The following RAP1GAP variants were observed in gnomAD, a reference collection of about 807,000 sequenced individuals.
The protein encoded by RAP1GAP is RAP1 GTPase activating protein.
RAP1GAP carries 35 observed loss-of-function variants against 87.2 expected under a neutral mutation model. The observed-to-expected ratio is 0.40, with a 90% confidence interval of 0.31 to 0.53. The LOEUF (loss-of-function observed/expected upper bound fraction) is 0.53, where lower values mean the gene tolerates loss of function less well. Among genes scored for constraint, RAP1GAP ranks in the 20% least tolerant of loss-of-function variants. The pLI, the probability that RAP1GAP is intolerant of heterozygous loss-of-function variation, is 0.48. For missense variants in RAP1GAP, 734 were observed against 898.9 expected (o/e 0.82, Z 2.35); for synonymous variants, 375 against 363.9 (o/e 1.03, Z -0.35).
intron 3 of RAP1GAP, among the ~76,000 whole-genome samples, chr1:21,625,513 A>G (rs2091599577): frequency 6.6e-6 from 1 of 152,200 alleles, no homozygotes; most frequent in Non-Finnish European, 1.5e-5. Flanking sequence ...GCCCCACCAC[A>G]TCCAACCTGA....
At chr1:21,631,960 T>C (rs1209336249) in intron 2 of RAP1GAP, among the ~76,000 whole-genome samples, 1 of 152,160 alleles carries the variant, frequency 6.6e-6, no homozygotes, top group Non-Finnish European at 1.5e-5. Flanking sequence ...GCCAAGCGCC[T>C]TCCCTAGGCC....
At chr1:21,658,335 A>C (rs1265905406) in intron 1 of RAP1GAP, among the ~76,000 whole-genome samples, 1 of 152,138 alleles carries the variant, frequency 6.6e-6, no homozygotes, top group East Asian at 1.9e-4. Context: ...TGGGAGGCTG[A>C]GGCGGGTAGA....
intron 17 of RAP1GAP, among the ~76,000 whole-genome samples, chr1:21,606,406 T>A (rs1220294323): frequency 6.6e-6 from 1 of 152,156 alleles, no homozygotes; most frequent in Non-Finnish European, 1.5e-5. Flanking sequence ...GAGAAGCAGG[T>A]ACATACGGGG....
intron 1 of RAP1GAP, among the ~76,000 whole-genome samples, chr1:21,660,816 T>G (rs561679009): frequency 6.6e-6 from 1 of 152,262 alleles, no homozygotes; most frequent in East Asian, 1.9e-4. Context: ...CTGTTGCCAG[T>G]AGGGTCTTCT....
chr1:21,622,142 C>T lies in RAP1GAP; in HGVS notation c.-18-2092G>A, dbSNP rs2088380227. ...AGCCACAGTGCCACCCGGGAGGCCA[C>T]AGCAAGAGCCCCAGGGTCCGGGACC... is the stretch of plus-strand genomic sequence containing the variant. On this transcript the variant is annotated intron_variant, in intron 3 of 24. Transcript: ENST00000374765. The surrounding 1 kb of genome is among the most constrained non-coding windows in gnomAD (Gnocchi z 5.7). Among the ~76,000 whole-genome samples, 1 of 152,204 alleles carries T rather than the reference C, an allele frequency of 6.6e-6. No individual in the cohort carries two copies. Among genetic ancestry groups the T allele is most frequent in the Non-Finnish European group, 1.5e-5 (1 of 68,018 alleles).
intron 2 of RAP1GAP, among the ~76,000 whole-genome samples, chr1:21,629,300 C>T (rs918733903): frequency 3.9e-5 from 6 of 152,106 alleles, no homozygotes; most frequent in Admixed American, 6.5e-5. Flanking sequence ...GCTAGTCCAG[C>T]GGTGCCCTTC....
rs953598449 is a variant in RAP1GAP at position 21,668,689 on chromosome 1, C to G, written c.-149+565G>C. ...CGAGGGGGCGCCCAACTTCGTGACG[C>G]GTGTGCCCCGCTCTGCCGCGGGGGT... On this transcript the variant is annotated intron_variant, in intron 1 of 24. Coordinates refer to ENST00000374765, the MANE Select transcript of RAP1GAP (RefSeq NM_002885.4). This position sits in a 1 kb window ranked among gnomAD's most constrained non-coding sequence, Gnocchi z 6.2. The G allele has an allele frequency of 6.6e-6, 1 of 152,126 alleles. No homozygotes were observed. Among genetic ancestry groups the G allele is most frequent in the African/African-American group, 2.4e-5 (1 of 41,424 alleles). 9.4% of individuals were successfully genotyped at this position (152,126 alleles called of 1,614,324 possible). A position where few individuals can be genotyped will look rare whatever the true frequency, so the allele number is the denominator to read the frequency against.
chr1:21,651,727 TGCACAC>T (rs1197000280), intron 1 of RAP1GAP: 3 of 1,096,940 alleles, frequency 2.7e-6, no homozygotes, highest in Admixed American at 2.2e-5. Context: ...CCCCCACGCG[TGCACAC>T]GCACACGCGC....
In RAP1GAP at chr1:21,613,803, C is replaced by A; in HGVS notation, c.396-97G>T. 1 of 1,294,484 alleles carries A rather than the reference C, an allele frequency of 7.7e-7. No individual in the cohort carries two copies. The highest frequency in any genetic ancestry group is 1.7e-5 in the Admixed American group (1 of 57,186). 80.2% of individuals were successfully genotyped at this position (1,294,484 alleles called of 1,614,324 possible). On this transcript the variant is annotated intron_variant, in intron 8 of 24. Coordinates refer to ENST00000374765, the MANE Select transcript of RAP1GAP (RefSeq NM_002885.4). The surrounding 1 kb of genome is among the most constrained non-coding windows in gnomAD (Gnocchi z 4.7). ...AGTAAGGCCAGAAGGGGGTGGACCA[C>A]AGCGAGGACCAGAGGTGATGATGGG...
At chr1:21,643,016 C>T (rs1018320586) in intron 2 of RAP1GAP, among the ~76,000 whole-genome samples, 9 of 152,078 alleles carry the variant, frequency 5.9e-5, no homozygotes, top group Admixed American at 2.0e-4. Flanking sequence ...CTCAGCAACC[C>T]TCACATCTCC....
Position 21,615,706 on chromosome 1 carries a change from T to G in RAP1GAP, c.291+1600A>C, listed in dbSNP as rs1304093134. 6.6e-6 allele frequency among the ~76,000 whole-genome samples: 1 copy of G among 152,174 alleles called. No homozygotes were observed. Among genetic ancestry groups the G allele is most frequent in the East Asian group, 1.9e-4 (1 of 5,190 alleles). On this transcript the variant is annotated intron_variant, in intron 7 of 24. Transcript: ENST00000374765. This position sits in a 1 kb window ranked among gnomAD's most constrained non-coding sequence, Gnocchi z 4.5. ...GGCGCCCAGCTGCCTCTTCTGACCC[T>G]CCAGTCTGCACTTCTTCAGAGCCTG...
chr1:21,665,242 C>G (rs1386661837), intron 1 of RAP1GAP: 2 of 517,304 alleles, frequency 3.9e-6, no homozygotes, highest in Non-Finnish European at 7.7e-6. Flanking sequence ...GTGGCAATGT[C>G]AGAATTCGAA....
chr1:21,610,170 A>G lies in RAP1GAP; in HGVS notation c.949T>C (p.Tyr317His). 1 of 1,614,162 alleles carries G rather than the reference A, an allele frequency of 6.2e-7. No homozygotes were observed. The highest frequency in any genetic ancestry group is 8.5e-7 in the Non-Finnish European group (1 of 1,180,014). Residue 317 changes from tyrosine (Y) to histidine (H), a missense_variant, in exon 14 of 25, where the codon TAC (tyrosine) becomes CAC (histidine). Transcript: ENST00000374765. Reference sequence around the variant, plus strand: ...CCGCCCTCAGCCTGCACCACGACGTAGGCATGCAGGAAGTTGGACGCGATC... The same window carrying G: ...CCGCCCTCAGCCTGCACCACGACGTGGGCATGCAGGAAGTTGGACGCGATC... ...DMIASNFLHA[Y>H]VVVQAEGGGP...
At chr1:21,643,289 G>C (rs2095694838) in intron 2 of RAP1GAP, among the ~76,000 whole-genome samples, 1 of 152,112 alleles carries the variant, frequency 6.6e-6, no homozygotes, top group South Asian at 2.1e-4. Context: ...GCTGGGTGTG[G>C]TGGCTCACGC....
intron 1 of RAP1GAP, among the ~76,000 whole-genome samples, chr1:21,654,253 T>C (rs766305715): frequency 6.6e-6 from 1 of 152,226 alleles, no homozygotes; most frequent in Non-Finnish European, 1.5e-5. Flanking sequence ...TTCTGCATCA[T>C]AGCATGTGAG....
chr1:21,640,728 G>T (rs2095441326), intron 2 of RAP1GAP, among the ~76,000 whole-genome samples: 1 of 141,138 alleles, frequency 7.1e-6, no homozygotes, highest in Admixed American at 7.2e-5. Context: ...AGTCAGGTGG[G>T]CTCCAGGCTG....
chr1:21,612,863 G>A (rs1247263759), intron 10 of RAP1GAP, among the ~76,000 whole-genome samples: 1 of 152,232 alleles, frequency 6.6e-6, no homozygotes, highest in African/African-American at 2.4e-5. Flanking sequence ...ACCCATTCCA[G>A]GGGAGGACTA....
rs767265765 is a variant in RAP1GAP, at chr1:21,609,524, G to GC, written c.1071+50dup. 9.0e-7 allele frequency: 1 copy of GC among 1,109,154 alleles called. No homozygotes were observed. Among genetic ancestry groups the GC allele is most frequent in the East Asian group, 2.8e-5 (1 of 36,042 alleles). The allele number at this position is 1,109,154 out of a possible 1,614,324, so 68.7% of individuals were successfully genotyped here. A position where few individuals can be genotyped will look rare whatever the true frequency, so the allele number is the denominator to read the frequency against. On this transcript the variant is annotated intron_variant, in intron 15 of 24. Coordinates refer to ENST00000374765, the MANE Select transcript of RAP1GAP (RefSeq NM_002885.4). This position sits in a 1 kb window ranked among gnomAD's most constrained non-coding sequence, Gnocchi z 4.4. ...GGCAGAATGTGTATGCACCCCCCAG[G>GC]CCCCCACCCATTTGTCCTGCTCTGC... is the stretch of plus-strand genomic sequence containing the variant.
chr1:21,612,744 T>C (rs2079171687), intron 10 of RAP1GAP, among the ~76,000 whole-genome samples: 1 of 152,188 alleles, frequency 6.6e-6, no homozygotes, highest in African/African-American at 2.4e-5. Context: ...ATCCCCACAC[T>C]GTCACAGTGC....
Sources: allele counts gnomAD v4.1 joint callset (sites outside exome capture counted in the v4.1 genomes callset), GRCh38; gene constraint gnomAD v4.1.1; non-coding constraint Gnocchi (gnomAD v3.1); transcripts MANE v1.5; gene names NCBI Gene and HGNC (gene_info 2026-07-23, HGNC 2026-07-21).